CENPQ: variants seen among roughly 807,000 people sequenced by gnomAD.
The protein encoded by CENPQ is chromosome 6 open reading frame 139.
In CENPQ, 27 loss-of-function variants were observed where a neutral mutation model predicts 36.6. That is an observed-to-expected ratio of 0.74 (90% confidence interval 0.54 to 1.02). The LOEUF is 1.02. Ranked by LOEUF, CENPQ falls within the 50% of genes least tolerant of loss-of-function variation. The pLI, the probability that CENPQ is intolerant of heterozygous loss-of-function variation, is 0.00. For synonymous variants in CENPQ, 101 were observed against 101.7 expected, an observed-to-expected ratio of 0.99 and a Z score of 0.04; for missense variants, 306 against 301.8, an observed-to-expected ratio of 1.01 and a Z score of -0.10.
intron 1 of CENPQ, among the ~76,000 whole-genome samples, chr6:49,468,563 C>T (rs1418998969): frequency 6.6e-6 from 1 of 152,038 alleles, no homozygotes; most frequent in African/African-American, 2.4e-5. Flanking sequence ...CACCACTGCA[C>T]TCCAGCCCAA....
intron 1 of CENPQ, among the ~76,000 whole-genome samples, chr6:49,468,756 C>T (rs982175072): frequency 2.6e-5 from 4 of 152,160 alleles, no homozygotes; most frequent in Non-Finnish European, 5.9e-5. Flanking sequence ...CCTTACTGCT[C>T]ATTAACAATC....
At position 49,480,761 on chromosome 6, in the gene CENPQ, A is replaced by G. The variant is rs536322671; in HGVS notation, c.348-190A>G. Among the ~76,000 whole-genome samples, 62 of 152,296 alleles carry G rather than the reference A, an allele frequency of 4.1e-4. No individual in the cohort carries two copies. The South Asian group carries it at 0.012, about 28-fold the overall frequency. On this transcript the variant is annotated intron_variant, in intron 5 of 8. Transcript: ENST00000335783. Reference sequence around the variant, plus strand: ...GTCCCTTAATTTGAGGTAAATCTTAATAAATTGAAAGGCTAAATGATGATT... The same window carrying G: ...GTCCCTTAATTTGAGGTAAATCTTAGTAAATTGAAAGGCTAAATGATGATT...
chr6:49,488,725 G>A, intron 8 of CENPQ, 41 bp downstream of exon 8: 25 of 1,506,768 alleles, frequency 1.7e-5, no homozygotes, highest in Non-Finnish European at 2.3e-5. Flanking sequence ...GCATACTTTA[G>A]AGATGTTGCA....
intron 1 of CENPQ, among the ~76,000 whole-genome samples, chr6:49,469,804 A>G (rs1768084243): frequency 1.3e-5 from 2 of 152,110 alleles, no homozygotes; most frequent in Non-Finnish European, 2.9e-5. Context: ...TTATATTTCT[A>G]TTTCCTTGGA....
chr6:49,475,359 G>A (rs1402359853), intron 5 of CENPQ, among the ~76,000 whole-genome samples: 2 of 152,118 alleles, frequency 1.3e-5, no homozygotes, highest in African/African-American at 4.8e-5. Flanking sequence ...AAAGGCCTTT[G>A]ACAAAATTCA....
At chr6:49,473,926 C>T (rs1199547155) in intron 5 of CENPQ, among the ~76,000 whole-genome samples, 3 of 151,890 alleles carry the variant, frequency 2.0e-5, no homozygotes, top group Non-Finnish European at 4.4e-5. Context: ...CAAAGAAGAC[C>T]GTTAATAATA....
rs554533571 is a variant in CENPQ, at chr6:49,492,350, T to C, written c.*75T>C. On this transcript the variant is annotated 3_prime_UTR_variant, in exon 9 of 9. Coordinates refer to ENST00000335783, the MANE Select transcript of CENPQ (RefSeq NM_018132.4). ...TTGTAAAACTGTTAACCTATGATTA[T>C]ATGTACAGAGGCTAAGGCTTCTGCA... 1.5e-6 allele frequency: 2 copies of C among 1,322,980 alleles called. No homozygotes were observed. The highest frequency in any genetic ancestry group is 2.9e-5 in the South Asian group (2 of 68,718). 82.0% of individuals were successfully genotyped at this position (1,322,980 alleles called of 1,614,324 possible).
intron 1 of CENPQ, among the ~76,000 whole-genome samples, chr6:49,466,815 T>C (rs1198048278): frequency 6.6e-6 from 1 of 152,246 alleles, no homozygotes; most frequent in African/African-American, 2.4e-5. Context: ...GTTTTACTAA[T>C]GGGGAAAATG....
chr6:49,471,112 T>C (rs971809833), intron 3 of CENPQ, 84 bp downstream of exon 3: 2 of 765,830 alleles, frequency 2.6e-6, no homozygotes, highest in Non-Finnish European at 3.9e-6. Flanking sequence ...GCATCTTGTT[T>C]ATGAGTTCTG....
chr6:49,491,173 TG>T (rs552317950), intron 8 of CENPQ, among the ~76,000 whole-genome samples: 2 of 152,362 alleles, frequency 1.3e-5, no homozygotes, highest in African/African-American at 4.8e-5. Context: ...GAAAACATTA[TG>T]TCCTATTTCG....
intron 8 of CENPQ, among the ~76,000 whole-genome samples, chr6:49,491,358 A>AT (rs1768718911): frequency 1.3e-5 from 2 of 152,066 alleles, no homozygotes; most frequent in African/African-American, 2.4e-5. Context: ...GAAATACATA[A>AT]TTTTTTTAAT....
At chr6:49,471,090 A>C (rs1768123386) in intron 3 of CENPQ, 62 bp downstream of exon 3, 2 of 1,002,292 alleles carry the variant, frequency 2.0e-6, no homozygotes, top group Non-Finnish European at 2.8e-6. Context: ...TACATTCGTG[A>C]AAAAATGTTC....
intron 6 of CENPQ, among the ~76,000 whole-genome samples, chr6:49,487,652 T>C (rs1384509377): frequency 6.6e-6 from 1 of 152,100 alleles, no homozygotes; most frequent in Non-Finnish European, 1.5e-5. Flanking sequence ...ATACAGGCAA[T>C]GTTATCATTG....
chr6:49,477,284 G>A (rs568859063), intron 5 of CENPQ, among the ~76,000 whole-genome samples: 4 of 152,064 alleles, frequency 2.6e-5, no homozygotes, highest in African/African-American at 9.6e-5. Context: ...CATGGATGAA[G>A]CTGGAAACCA....
chr6:49,481,000 G>A lies in CENPQ; in HGVS notation c.397G>A (p.Asp133Asn), dbSNP rs767389861. 1 of 1,609,598 alleles carries A rather than the reference G, an allele frequency of 6.2e-7. No individual in the cohort carries two copies. Among genetic ancestry groups the A allele is most frequent in the Admixed American group, 1.7e-5 (1 of 59,636 alleles). ...GAAAGTCCCTCCCAAAAAGATGGAA[G>A]ATTTAACTAATGTATCAAGTCTACT... ...TLKVPPKKME[D>N]LTNVSSLLNM... The change falls in exon 6 of 9, where the codon GAT becomes AAT. Residue 133 changes from aspartate (D) to asparagine (N), a missense_variant. Physicochemically the swap from Asp to Asn is conservative, Grantham distance 23. Coordinates refer to ENST00000335783, the MANE Select transcript of CENPQ (RefSeq NM_018132.4).
At chr6:49,478,924 G>A (rs1019028436) in intron 5 of CENPQ, among the ~76,000 whole-genome samples, 2 of 152,160 alleles carry the variant, frequency 1.3e-5, no homozygotes, top group African/African-American at 4.8e-5. Context: ...CTAAGAGTTA[G>A]TGAGACTCTT....
At chr6:49,468,857 C>A (rs1445982233) in intron 1 of CENPQ, among the ~76,000 whole-genome samples, 1 of 152,168 alleles carries the variant, frequency 6.6e-6, no homozygotes, top group Admixed American at 6.5e-5. Flanking sequence ...ACAACTTGAA[C>A]TATTGTACAT....
At position 49,472,145 on chromosome 6, in the gene CENPQ, C is replaced by G. The variant is rs200031253; in HGVS notation, c.240C>G (p.Thr80=). ...CCTGGCAACCTCTGTCAAAGAGTAC[C>G]AGAGACCATTTGCAAACTATGATGG... ...RKTWQPLSKS[T]RDHLQTMMES... is the part of the protein sequence containing the mutation. Residue 80 remains threonine (T), a synonymous_variant, in exon 4 of 9, where the codon ACC becomes ACG. Coordinates refer to ENST00000335783, the MANE Select transcript of CENPQ (RefSeq NM_018132.4). The G allele has an allele frequency of 3.1e-6, 5 of 1,612,486 alleles. No homozygotes were observed. The highest frequency in any genetic ancestry group is 1.7e-6 in the Non-Finnish European group (2 of 1,179,230).
At chr6:49,483,907 G>T (rs1222334901) in intron 6 of CENPQ, among the ~76,000 whole-genome samples, 1 of 152,274 alleles carries the variant, frequency 6.6e-6, no homozygotes, top group African/African-American at 2.4e-5. Flanking sequence ...TGCCGCCAAA[G>T]TGGGAGCCCA....
Sources: allele counts gnomAD v4.1 joint callset (sites outside exome capture counted in the v4.1 genomes callset), GRCh38; gene constraint gnomAD v4.1.1; transcripts MANE v1.5; gene names NCBI Gene and HGNC (gene_info 2026-07-23, HGNC 2026-07-21).